The following ARL6IP6 variants were observed in gnomAD, a reference collection of about 807,000 sequenced individuals.
ARL6IP6 encodes the protein ADP-ribosylation factor-like protein 6-interacting protein 6.
Under a neutral mutation model 21.5 loss-of-function variants are expected in ARL6IP6, and 22 were observed. That is an observed-to-expected ratio of 1.02 (90% CI 0.73 to 1.46). The LOEUF is 1.46. Ranked by LOEUF, ARL6IP6 falls within the 40% of genes most tolerant of loss-of-function variation. ARL6IP6 has a pLI of 0.00. For missense variants in ARL6IP6, 388 were observed against 299.8 expected, an observed-to-expected ratio of 1.29 and a Z score of -2.17; for synonymous variants, 164 against 125.3, an observed-to-expected ratio of 1.31 and a Z score of -2.06.
chr2:152,719,058 A>T, intron 1 of ARL6IP6, 34 bp downstream of exon 1: 1 of 1,481,280 alleles, frequency 6.8e-7, no homozygotes, highest in Non-Finnish European at 8.9e-7. Flanking sequence ...GTCTGTCCAG[A>T]GTAAAGTTGA....
intron 2 of ARL6IP6, among the ~76,000 whole-genome samples, chr2:152,730,233 A>C (rs1282955263): frequency 6.6e-6 from 1 of 152,228 alleles, no homozygotes; most frequent in Non-Finnish European, 1.5e-5. Flanking sequence ...TAAATTTGAC[A>C]GGTACCCTAT....
At chr2:152,741,161 A>T (rs932420009) in intron 3 of ARL6IP6, among the ~76,000 whole-genome samples, 1 of 152,138 alleles carries the variant, frequency 6.6e-6, no homozygotes, top group East Asian at 1.9e-4. Flanking sequence ...CTAATTATAT[A>T]AAAGTAATTC....
chr2:152,736,979 C>G (rs1367131731), intron 3 of ARL6IP6, among the ~76,000 whole-genome samples: 1 of 152,164 alleles, frequency 6.6e-6, no homozygotes, highest in Non-Finnish European at 1.5e-5. Context: ...TGCAACTGAA[C>G]TGCTGTCTTT....
chr2:152,758,671 C>T (rs901504017), intron 3 of ARL6IP6, among the ~76,000 whole-genome samples: 1 of 152,106 alleles, frequency 6.6e-6, no homozygotes, highest in African/African-American at 2.4e-5. Context: ...CATCAGGAAG[C>T]ATCAGGGTCT....
At chr2:152,728,329 G>A (rs112301975) in intron 2 of ARL6IP6, among the ~76,000 whole-genome samples, 1,550 of 152,184 alleles carry the variant, frequency 0.01, 21 homozygotes, top group African/African-American at 0.036. Context: ...GCAATTGATT[G>A]CCTAACACTT....
At position 152,718,843 on chromosome 2, in the gene ARL6IP6, C is replaced by T; in HGVS notation, c.219C>T (p.Leu73=). 7 of 1,611,942 alleles carry T rather than the reference C, an allele frequency of 4.3e-6. No homozygotes were observed. The highest frequency in any genetic ancestry group is 1.3e-5 in the African/African-American group (1 of 75,016). Residue 73 remains leucine, a synonymous_variant, in exon 1 of 4, where the codon CTC becomes CTT. Coordinates refer to ENST00000326446, the MANE Select transcript of ARL6IP6 (RefSeq NM_152522.7). ...AWSEPRKRSV[L]PPDGNGSPVL... ...CAGAGCCCAGAAAGCGCTCGGTGCT[C>T]CCGCCGGACGGGAACGGGTCGCCCG...
rs10604718 is a variant in ARL6IP6, at chr2:152,729,334, CTGTGTG to C, written c.455-5638_455-5633del. On this transcript the variant is annotated intron_variant, in intron 2 of 3. Transcript: ENST00000326446. ...CCTGGGTGGCAGAGCCAGACTTTGT[CTGTGTG>C]TGTGTGTGTGTGTGTGTGTGTACAC... Among the ~76,000 whole-genome samples the C allele has an allele frequency of 7.1e-3, 1,059 of 149,994 alleles. 4 individuals carry two copies. The highest frequency in any genetic ancestry group is 0.016 in the African/African-American group (679 of 41,174).
At chr2:152,731,797 T>C (rs1175554964) in intron 2 of ARL6IP6, among the ~76,000 whole-genome samples, 1 of 152,180 alleles carries the variant, frequency 6.6e-6, no homozygotes, top group Non-Finnish European at 1.5e-5. Context: ...TTTTTTAAAA[T>C]ATCTAAGTAC....
chr2:152,755,475 C>T (rs1457994117), intron 3 of ARL6IP6, among the ~76,000 whole-genome samples: 2 of 152,208 alleles, frequency 1.3e-5, no homozygotes, highest in Non-Finnish European at 2.9e-5. Context: ...CCATCCTGTA[C>T]ACCTGGCTCT....
At chr2:152,727,010 G>C (rs950406219) in intron 2 of ARL6IP6, among the ~76,000 whole-genome samples, 6 of 152,098 alleles carry the variant, frequency 3.9e-5, no homozygotes, top group Non-Finnish European at 8.8e-5. Context: ...TATTGTTTTA[G>C]ATTATATTAC....
chr2:152,755,557 G>A (rs1039503232), intron 3 of ARL6IP6, among the ~76,000 whole-genome samples: 19 of 152,272 alleles, frequency 1.2e-4, no homozygotes, highest in African/African-American at 4.1e-4. Flanking sequence ...AATGACATAA[G>A]CCTGTCTCTC....
At chr2:152,756,897 C>A (rs1701618397) in intron 3 of ARL6IP6, among the ~76,000 whole-genome samples, 1 of 152,072 alleles carries the variant, frequency 6.6e-6, no homozygotes, top group East Asian at 1.9e-4. Flanking sequence ...TGTAACTCAG[C>A]AGTTCTACTC....
intron 3 of ARL6IP6, among the ~76,000 whole-genome samples, chr2:152,751,016 T>C (rs904208153): frequency 3.3e-5 from 5 of 152,178 alleles, no homozygotes; most frequent in Non-Finnish European, 5.9e-5. Context: ...AGTGAAACAT[T>C]TCTATGATGT....
intron 3 of ARL6IP6, among the ~76,000 whole-genome samples, chr2:152,748,564 AT>A (rs1483925496): frequency 6.6e-6 from 1 of 152,226 alleles, no homozygotes; most frequent in Non-Finnish European, 1.5e-5. Flanking sequence ...AGGGGAATAG[AT>A]TAGTACCATC....
rs917257301 is a variant in ARL6IP6 at position 152,720,658 on chromosome 2, T to C, written c.454+72T>C. 1.2e-5 allele frequency: 16 copies of C among 1,338,576 alleles called. No individual in the cohort carries two copies. The South Asian group carries it at 1.7e-4, about 14-fold the overall frequency. The allele number at this position is 1,338,576 out of a possible 1,614,324, so 82.9% of individuals were successfully genotyped here. A position where few individuals can be genotyped will look rare whatever the true frequency, so the allele number is the denominator to read the frequency against. ...GTTTCTAGATCATGTTTGAACTAAC[T>C]CTGGGATAAAATACTTAATGTATTT... On this transcript the variant is annotated intron_variant, in intron 2 of 3. Transcript: ENST00000326446.
Position 152,759,893 on chromosome 2 carries a change from TAAC to T in ARL6IP6, c.*56_*58del. The T allele has an allele frequency of 6.9e-7, 1 of 1,457,650 alleles. No individual in the cohort carries two copies. The highest frequency in any genetic ancestry group is 2.3e-5 in the East Asian group (1 of 44,000). The allele number at this position is 1,457,650 out of a possible 1,614,324, so 90.3% of individuals were successfully genotyped here. On this transcript the variant is annotated 3_prime_UTR_variant, in exon 4 of 4. Transcript: ENST00000326446. ...AAACTTAATCATGATTGTTTTGTAA[TAAC>T]AAGAAGGAGCATCACTGTCTACTCA...
At chr2:152,729,368 A>G (rs1428470605) in intron 2 of ARL6IP6, among the ~76,000 whole-genome samples, 1 of 146,472 alleles carries the variant, frequency 6.8e-6, no homozygotes, top group East Asian at 1.9e-4. Flanking sequence ...GTGTACACAC[A>G]TATATGCACA....
Position 152,718,887 on chromosome 2 carries a change from A to G in ARL6IP6, c.263A>G (p.Asn88Ser), listed in dbSNP as rs762746406. ...NGSPVLPDKR[N>S]GIFPAAAGSR... is the part of the protein sequence containing the mutation. The stretch of plus-strand genomic sequence containing the variant: ...TCGCCCGTTCTGCCCGATAAGCGCA[A>G]TGGTATCTTTCCCGCGGCCGCGGGC... The change falls in exon 1 of 4, where the codon AAT becomes AGT. Residue 88 changes from asparagine (N) to serine (S), a missense_variant. Transcript: ENST00000326446. The G allele has an allele frequency of 2.5e-6, 4 of 1,613,822 alleles. No individual in the cohort carries two copies. The highest frequency in any genetic ancestry group is 2.5e-6 in the Non-Finnish European group (3 of 1,179,892).
intron 3 of ARL6IP6, 37 bp from the exon 4 acceptor site, chr2:152,759,710 T>C: frequency 6.5e-7 from 1 of 1,542,766 alleles, no homozygotes; most frequent in Non-Finnish European, 8.9e-7. Context: ...CCACGTTACA[T>C]TTTTCTTTTT....
Sources: gnomAD v4.1 joint callset for allele counts (sites outside exome capture counted in the v4.1 genomes callset) on GRCh38, gnomAD v4.1.1 for gene constraint, MANE v1.5 for transcripts, NCBI Gene and HGNC (gene_info 2026-07-23, HGNC 2026-07-21) for gene names.